The following BRD9 variants were observed in gnomAD, a reference collection of about 807,000 sequenced individuals.
BRD9 encodes the protein bromodomain-containing protein 9.
BRD9 carries 47 observed loss-of-function variants against 68.7 expected under a neutral mutation model. That is an observed-to-expected ratio of 0.68 (90% CI 0.54 to 0.87). The LOEUF (loss-of-function observed/expected upper bound fraction) is 0.87. BRD9 is among the 40% of genes least tolerant of loss of function. The pLI is 0.00. For synonymous variants in BRD9, 313 were observed against 293.9 expected, an observed-to-expected ratio of 1.06 and a Z score of -0.67; for missense variants, 670 against 748.4, an observed-to-expected ratio of 0.90 and a Z score of 1.22.
chr5:891,748 A>G lies in BRD9; in HGVS notation c.159T>C (p.Asp53=). 1.9e-6 allele frequency: 3 copies of G among 1,551,426 alleles called. No homozygotes were observed. The highest frequency in any genetic ancestry group is 2.6e-6 in the Non-Finnish European group (3 of 1,146,944). The change falls in exon 2 of 16, where the codon GAT becomes GAC. Residue 53 remains aspartate (D), a synonymous_variant. Transcript: ENST00000467963. Reference sequence around the variant, plus strand: ...TCTCTCGCTCATGGTCTGACCTGTCATCATAGTAACTGGAGTCGTGGCCGG... The same window carrying G: ...TCTCTCGCTCATGGTCTGACCTGTCGTCATAGTAACTGGAGTCGTGGCCGG... ...SGSGHDSSYY[D]DRSDHERERH...
Position 881,178 on chromosome 5 carries a change from C to T in BRD9, c.971G>A (p.Gly324Asp), listed in dbSNP as rs1407270312. The T allele has an allele frequency of 6.2e-7, 1 of 1,613,928 alleles. No homozygotes were observed. The change falls in exon 9 of 16, where the codon GGC (glycine) becomes GAC (aspartate). Residue 324 changes from glycine to aspartate, a missense_variant. Around this residue, in one of 5 missense-constraint regions of BRD9, gnomAD observed 135 missense variants for 141.2 expected, o/e 0.96. Transcript: ENST00000467963. ...INRFLPGGKM[G>D]YLKRNGDGSL... ...CCCGTCCCCGTTCCTCTTCAGATAGCCCATCTGGAAGGAAGCACTGCCTGA... is the reference window on the plus strand; with the variant it reads ...CCCGTCCCCGTTCCTCTTCAGATAGTCCATCTGGAAGGAAGCACTGCCTGA...
intron 13 of BRD9, among the ~76,000 whole-genome samples, chr5:870,804 A>G (rs368582602): frequency 5.3e-5 from 8 of 152,356 alleles, no homozygotes; most frequent in African/African-American, 1.9e-4. Context: ...TACTGAGACC[A>G]ACAACGCAAA....
At position 892,728 on chromosome 5, in the gene BRD9, C is replaced by A. The variant is rs937049441; in HGVS notation, c.-71G>T. On this transcript the variant is annotated 5_prime_UTR_variant, in exon 1 of 16. Coordinates refer to ENST00000467963, the MANE Select transcript of BRD9 (RefSeq NM_023924.5). The stretch of plus-strand genomic sequence containing the variant: ...CACCCGGTCGGACCTTGGCCGCCAC[C>A]GCCCCCTGGCCCTGGCTGGCCGCCC... 1.6e-6 allele frequency: 2 copies of A among 1,260,354 alleles called. No homozygotes were observed. Among genetic ancestry groups the A allele is most frequent in the African/African-American group, 3.1e-5 (2 of 63,788 alleles). The allele number at this position is 1,260,354 out of a possible 1,614,324, so 78.1% of individuals were successfully genotyped here. A position where few individuals can be genotyped will look rare whatever the true frequency, so the allele number is the denominator to read the frequency against.
chr5:891,221 G>T lies in BRD9; in HGVS notation c.334C>A (p.Pro112Thr). 6.4e-7 allele frequency: 1 copy of T among 1,551,872 alleles called. No individual in the cohort carries two copies. Among genetic ancestry groups the T allele is most frequent in the Non-Finnish European group, 8.7e-7 (1 of 1,147,082 alleles). Reference protein sequence around the residue: ...DTEGEADDFDPGKKVEVEPPP... With the variant: ...DTEGEADDFDTGKKVEVEPPP... ...GGCTCCACCTCCACCTTCTTCCCAG[G>T]ATCAAAGTCGTCAGCCTCTCCCTCC... The change falls in exon 3 of 16, where the codon CCT becomes ACT. Residue 112 changes from proline to threonine, a missense_variant. This residue lies in a region of BRD9 where 161 missense variants were observed against 148.1 expected (regional missense o/e 1.09). Coordinates refer to ENST00000467963, the MANE Select transcript of BRD9 (RefSeq NM_023924.5).
chr5:886,345 A>G (rs1379270788), intron 7 of BRD9, among the ~76,000 whole-genome samples: 1 of 152,174 alleles, frequency 6.6e-6, no homozygotes, highest in East Asian at 1.9e-4. Flanking sequence ...ACCACCAGTC[A>G]CTAGCAGTTG....
chr5:864,297 G>A lies in BRD9; in HGVS notation c.*171C>T. Reference sequence around the variant, plus strand: ...TATGACTCCACTCCTCAGGGTTCGTGGGGCTTGGAGACTCTGCTGACATGA... The same window carrying A: ...TATGACTCCACTCCTCAGGGTTCGTAGGGCTTGGAGACTCTGCTGACATGA... On this transcript the variant is annotated 3_prime_UTR_variant, in exon 16 of 16. Coordinates refer to ENST00000467963, the MANE Select transcript of BRD9 (RefSeq NM_023924.5). The A allele has an allele frequency of 1.9e-6, 1 of 531,612 alleles. No homozygotes were observed. The highest frequency in any genetic ancestry group is 3.3e-6 in the Non-Finnish European group (1 of 299,906). 32.9% of individuals were successfully genotyped at this position (531,612 alleles called of 1,614,324 possible).
intron 7 of BRD9, among the ~76,000 whole-genome samples, chr5:885,422 T>G (rs1752409384): frequency 2.0e-5 from 3 of 152,178 alleles, no homozygotes; most frequent in African/African-American, 7.2e-5. Flanking sequence ...CCAGCACCGC[T>G]GCCGCCCCAC....
In BRD9 at chr5:878,478, A is replaced by G. The variant is rs199521397; in HGVS notation, c.1148T>C (p.Leu383Pro). The change falls in exon 11 of 16, where the codon CTC becomes CCC. Residue 383 changes from leucine to proline, a missense_variant. Transcript: ENST00000467963. ...CGAAAGCGCAGTAGTGGCACTGGAG[A>G]GAAAGGTGACTGGGAGGAAGAGGAG... The part of the protein sequence containing the change: ...KDERRNKVTF[L>P]SSATTALSMQ... 3.7e-6 allele frequency: 6 copies of G among 1,614,190 alleles called. No individual in the cohort carries two copies. The highest frequency in any genetic ancestry group is 5.1e-6 in the Non-Finnish European group (6 of 1,180,052).
chr5:881,438 C>T (rs560202278), intron 8 of BRD9: 14 of 554,266 alleles, frequency 2.5e-5, no homozygotes, highest in African/African-American at 2.3e-4. Flanking sequence ...AAACCTTCAC[C>T]CACGAGTAAA....
intron 9 of BRD9, 51 bp downstream of exon 9, chr5:881,056 C>G (rs1191666545): frequency 1.8e-5 from 29 of 1,571,252 alleles, no homozygotes; most frequent in Non-Finnish European, 2.4e-5. Context: ...CAACGGAGGC[C>G]CAAAAAGCAG....
intron 3 of BRD9, 60 bp downstream of exon 3, chr5:891,095 C>T (rs1753299686): frequency 6.7e-7 from 1 of 1,492,172 alleles, no homozygotes; most frequent in South Asian, 1.3e-5. Context: ...ACGGTGCCGA[C>T]CCCTCATTTA....
At position 887,433 on chromosome 5, in the gene BRD9, G is replaced by A. The variant is rs755743518; in HGVS notation, c.645C>T (p.Tyr215=). 1.9e-6 allele frequency: 3 copies of A among 1,613,940 alleles called. No individual in the cohort carries two copies. Among genetic ancestry groups the A allele is most frequent in the African/African-American group, 2.7e-5 (2 of 74,932 alleles). ...TGTAGTACACGGTATCTGGCCTATT[G>A]TATGTCATTGCATTATCACACATCA... is the stretch of plus-strand genomic sequence containing the variant. The part of the protein sequence containing the change: ...FKLMCDNAMT[Y]NRPDTVYYKL... The change falls in exon 6 of 16, where the codon TAC becomes TAT. Residue 215 remains tyrosine, a synonymous_variant. Coordinates refer to ENST00000467963, the MANE Select transcript of BRD9 (RefSeq NM_023924.5).
intron 15 of BRD9, among the ~76,000 whole-genome samples, chr5:864,772 G>A (rs751527206): frequency 2.6e-5 from 4 of 152,146 alleles, no homozygotes; most frequent in Non-Finnish European, 4.4e-5. Context: ...CACACAGCAC[G>A]GATGCTGCTT....
chr5:870,547 C>A lies in BRD9; in HGVS notation c.1451G>T (p.Ser484Ile). The change falls in exon 14 of 16, where the codon AGC becomes ATC. Residue 484 changes from serine to isoleucine, a missense_variant. Transcript: ENST00000467963. ...KVGDTLGDSSSSVLEFMSMKS... is the reference protein window; with the variant it reads ...KVGDTLGDSSISVLEFMSMKS... The stretch of plus-strand genomic sequence containing the variant: ...CATCGACATGAACTCCAGAACAGAG[C>A]TGCTGCTGTCTCCTAGGGTGTCCCC... The A allele has an allele frequency of 2.5e-6, 4 of 1,614,168 alleles. No individual in the cohort carries two copies. Among genetic ancestry groups the A allele is most frequent in the Non-Finnish European group, 3.4e-6 (4 of 1,180,026 alleles).
At chr5:881,066 G>C (rs768109272) in intron 9 of BRD9, 41 bp downstream of exon 9, 4 of 1,595,128 alleles carry the variant, frequency 2.5e-6, no homozygotes, top group Non-Finnish European at 3.4e-6. Flanking sequence ...CCAAAAAGCA[G>C]TGTACGGAGA....
chr5:873,805 T>C (rs56239352), intron 12 of BRD9, among the ~76,000 whole-genome samples: 5,712 of 152,210 alleles, frequency 0.038, 337 homozygotes, highest in African/African-American at 0.13. Flanking sequence ...GACCCCTCCT[T>C]GGGAGCCATG....
rs902417111 is a variant in BRD9, at chr5:864,123, A to G, written c.*345T>C. ...CCACACACCCTTCGCGTATGACTCCACTCCTCAGGGTTCACGGGGCTGTGT... is the reference window on the plus strand; with the variant it reads ...CCACACACCCTTCGCGTATGACTCCGCTCCTCAGGGTTCACGGGGCTGTGT... On this transcript the variant is annotated 3_prime_UTR_variant, in exon 16 of 16. Transcript: ENST00000467963. 1.1e-5 allele frequency: 2 copies of G among 175,246 alleles called. No individual in the cohort carries two copies. Among genetic ancestry groups the G allele is most frequent in the Non-Finnish European group, 2.5e-5 (2 of 81,512 alleles). 10.9% of individuals were successfully genotyped at this position (175,246 alleles called of 1,614,324 possible). A position where few individuals can be genotyped will look rare whatever the true frequency, so the allele number is the denominator to read the frequency against.
At chr5:876,309 T>C in intron 11 of BRD9, 97 bp from the exon 12 acceptor site, 5 of 864,506 alleles carry the variant, frequency 5.8e-6, no homozygotes, top group Non-Finnish European at 9.2e-6. Context: ...CCAGCGCAGC[T>C]CCTCGGTCCC....
chr5:876,073 C>T, intron 12 of BRD9, 28 bp downstream of exon 12: 5 of 1,551,402 alleles, frequency 3.2e-6, no homozygotes, highest in Non-Finnish European at 4.4e-6. Context: ...GGCACCTGCC[C>T]CCCAACCCCG....
Sources: allele counts gnomAD v4.1 joint callset (sites outside exome capture counted in the v4.1 genomes callset), GRCh38; gene constraint gnomAD v4.1.1; regional missense constraint gnomAD v4.1.1; transcripts MANE v1.5; gene names NCBI Gene and HGNC (gene_info 2026-07-23, HGNC 2026-07-21).